Variants in CDH12 observed in about 807,000 individuals in gnomAD.
CDH12 encodes the protein cadherin 12.
A neutral mutation model predicts 74.1 loss-of-function variants in CDH12; 41 were observed. The observed-to-expected ratio is 0.55, with a 90% confidence interval of 0.43 to 0.72. The LOEUF (loss-of-function observed/expected upper bound fraction) is 0.72, where lower values mean the gene tolerates loss of function less well. Among genes scored for constraint, CDH12 ranks in the 30% least tolerant of loss-of-function variants. The probability of loss-of-function intolerance (pLI) is 0.00; values close to 1 mark genes in which losing one functional copy is unlikely to be tolerated. For missense variants in CDH12, 945 were observed against 977.2 expected, an observed-to-expected ratio of 0.97 and a Z score of 0.44; for synonymous variants, 399 against 355.0, an observed-to-expected ratio of 1.12 and a Z score of -1.39.
At chr5:22,418,374 C>A (rs543436739) in intron 2 of CDH12, among the ~76,000 whole-genome samples, 1 of 152,260 alleles carries the variant, frequency 6.6e-6, no homozygotes, top group African/African-American at 2.4e-5. Context: ...TCTAAATATA[C>A]AATCATGTCA....
intron 8 of CDH12, among the ~76,000 whole-genome samples, chr5:21,823,950 G>A (rs1206029199): frequency 6.6e-6 from 1 of 151,950 alleles, no homozygotes; most frequent in East Asian, 1.9e-4. Context: ...TTTCTTGGAT[G>A]AAGACAATGG....
intron 6 of CDH12, among the ~76,000 whole-genome samples, chr5:21,947,139 G>A (rs1755615436): frequency 6.6e-6 from 1 of 152,178 alleles, no homozygotes; most frequent in African/African-American, 2.4e-5. Context: ...GCAGAACTAT[G>A]AGTCAATTAA....
intron 8 of CDH12, among the ~76,000 whole-genome samples, chr5:21,832,687 A>C (rs1255698214): frequency 1.4e-5 from 2 of 146,874 alleles, no homozygotes; most frequent in African/African-American, 2.5e-5. Flanking sequence ...CAATTAACTT[A>C]TTAACTTATT....
At position 22,292,972 on chromosome 5, in the gene CDH12, C is replaced by G. The variant is rs188054848; in HGVS notation, c.-332-80329G>C. ...TTCCAGCCATTCCCAATCTGTAATT[C>G]ACATCTGTTCCCAACTTGTAACCCA... On this transcript the variant is annotated intron_variant, in intron 3 of 14. Transcript: ENST00000382254. Among the ~76,000 whole-genome samples the G allele has an allele frequency of 7.9e-5, 12 of 152,116 alleles. No homozygotes were observed. The Middle Eastern group carries it at 0.01, about 129-fold the overall frequency.
chr5:22,067,805 C>T (rs1741671843), intron 5 of CDH12, among the ~76,000 whole-genome samples: 2 of 152,012 alleles, frequency 1.3e-5, no homozygotes, highest in South Asian at 2.1e-4. Flanking sequence ...ATGGAGAAAG[C>T]CCATTTCTAC....
intron 3 of CDH12, among the ~76,000 whole-genome samples, chr5:22,398,548 G>C (rs1029470425): frequency 6.6e-6 from 1 of 152,024 alleles, no homozygotes; most frequent in Admixed American, 6.6e-5. Context: ...ATTTGACATG[G>C]TCTGGACCGC....
intron 4 of CDH12, among the ~76,000 whole-genome samples, chr5:22,128,566 A>G (rs1458310930): frequency 6.6e-6 from 1 of 152,230 alleles, no homozygotes; most frequent in Non-Finnish European, 1.5e-5. Context: ...CTCAAGATAC[A>G]TATCCTTTTA....
intron 4 of CDH12, among the ~76,000 whole-genome samples, chr5:22,192,366 A>C (rs767965995): frequency 1.1e-4 from 17 of 152,244 alleles, no homozygotes; most frequent in Non-Finnish European, 2.2e-4. Flanking sequence ...ATTAGGAGCC[A>C]TGACAAACTA....
chr5:22,517,558 C>T (rs575683883), intron 1 of CDH12, among the ~76,000 whole-genome samples: 47 of 152,244 alleles, frequency 3.1e-4, no homozygotes, highest in African/African-American at 1.1e-3. Flanking sequence ...AAGAAAACCA[C>T]ACTATTAAAA....
intron 6 of CDH12, among the ~76,000 whole-genome samples, chr5:21,962,866 C>T (rs1175798929): frequency 6.6e-6 from 1 of 152,088 alleles, no homozygotes; most frequent in Non-Finnish European, 1.5e-5. Flanking sequence ...TCTCCTTGTC[C>T]TGTTACTACT....
intron 1 of CDH12, among the ~76,000 whole-genome samples, chr5:22,708,815 G>C (rs935135392): frequency 6.6e-6 from 1 of 152,104 alleles, no homozygotes; most frequent in Non-Finnish European, 1.5e-5. Context: ...CCTAAATTTA[G>C]AAAATTATTT....
chr5:21,934,978 G>A (rs1755012699), intron 6 of CDH12, among the ~76,000 whole-genome samples: 2 of 152,150 alleles, frequency 1.3e-5, no homozygotes, highest in Non-Finnish European at 2.9e-5. Context: ...CGTAGAGACG[G>A]GGTTTCATCG....
intron 5 of CDH12, among the ~76,000 whole-genome samples, chr5:22,042,778 T>C (rs1039276846): frequency 6.6e-6 from 1 of 150,938 alleles, no homozygotes; most frequent in Non-Finnish European, 1.5e-5. Context: ...TAGTCCAAGC[T>C]ACTTAGGAGG....
chr5:22,186,714 C>T (rs1211780858), intron 4 of CDH12, among the ~76,000 whole-genome samples: 14 of 152,052 alleles, frequency 9.2e-5, no homozygotes, highest in Non-Finnish European at 2.1e-4. Flanking sequence ...CAAGTGATGC[C>T]CCCGCCTTGG....
intron 6 of CDH12, among the ~76,000 whole-genome samples, chr5:21,929,490 G>T (rs1362042901): frequency 6.6e-6 from 1 of 151,844 alleles, no homozygotes; most frequent in African/African-American, 2.4e-5. Context: ...AGAATCTAAT[G>T]CTACCACTGA....
chr5:22,516,961 C>G (rs1736837181), intron 1 of CDH12, among the ~76,000 whole-genome samples: 1 of 151,906 alleles, frequency 6.6e-6, no homozygotes, highest in Non-Finnish European at 1.5e-5. Context: ...ATGCGAAAAA[C>G]AATGCAATAC....
At chr5:22,446,864 T>C (rs1161977572) in intron 2 of CDH12, among the ~76,000 whole-genome samples, 2 of 152,132 alleles carry the variant, frequency 1.3e-5, no homozygotes, top group Non-Finnish European at 2.9e-5. Context: ...TAACTTTTTA[T>C]GTTAACCCAG....
chr5:22,075,979 C>A (rs943150534), intron 5 of CDH12, among the ~76,000 whole-genome samples: 1 of 151,542 alleles, frequency 6.6e-6, no homozygotes, highest in Non-Finnish European at 1.5e-5. Flanking sequence ...TAAATTGGTC[C>A]CCATGTTATC....
intron 4 of CDH12, among the ~76,000 whole-genome samples, chr5:22,135,398 A>G (rs1746404515): frequency 6.6e-6 from 1 of 152,012 alleles, no homozygotes; most frequent in Admixed American, 6.6e-5. Flanking sequence ...TTTCAAGGTG[A>G]ATACTGATCA....
Sources: allele counts gnomAD v4.1 joint callset (sites outside exome capture counted in the v4.1 genomes callset), GRCh38; gene constraint gnomAD v4.1.1; transcripts MANE v1.5; gene names NCBI Gene and HGNC (gene_info 2026-07-23, HGNC 2026-07-21).